Variants in NELL1 observed in about 807,000 individuals in gnomAD.
The protein encoded by NELL1 is protein kinase C-binding protein NELL1.
Under a neutral mutation model 107.4 loss-of-function variants are expected in NELL1, and 76 were observed. That is an observed-to-expected ratio of 0.71 (90% confidence interval 0.59 to 0.86). NELL1 has a LOEUF of 0.86. Among genes scored for constraint, NELL1 ranks in the 40% least tolerant of loss-of-function variants. The pLI, the probability that NELL1 is intolerant of heterozygous loss-of-function variation, is 0.00. For missense variants in NELL1, 1,024 were observed against 1,005.5 expected, an observed-to-expected ratio of 1.02 and a Z score of -0.25; for synonymous variants, 353 against 341.2, an observed-to-expected ratio of 1.03 and a Z score of -0.38.
intron 4 of NELL1, among the ~76,000 whole-genome samples, chr11:20,864,353 G>A (rs6483733): frequency 0.65 from 98,372 of 151,982 alleles, 33,353 homozygotes; most frequent in Non-Finnish European, 0.76. Context: ...TTCGAAGACT[G>A]CAAGATACTT....
At chr11:21,111,737 A>G (rs1855112618) in intron 12 of NELL1, among the ~76,000 whole-genome samples, 1 of 152,078 alleles carries the variant, frequency 6.6e-6, no homozygotes, top group Admixed American at 6.6e-5. Context: ...CATGAGATTA[A>G]TTTAAACCAT....
chr11:21,483,341 C>A (rs1425921156), intron 15 of NELL1, among the ~76,000 whole-genome samples: 1 of 152,134 alleles, frequency 6.6e-6, no homozygotes, highest in Non-Finnish European at 1.5e-5. Context: ...TGTACACATA[C>A]AATATACTCC....
intron 14 of NELL1, among the ~76,000 whole-genome samples, chr11:21,320,652 T>G (rs1849988533): frequency 6.6e-6 from 1 of 152,128 alleles, no homozygotes; most frequent in Admixed American, 6.6e-5. Context: ...TTAATTGCTC[T>G]CTTAGAATCT....
At chr11:20,915,700 GATATATAT>G (rs369114547) in intron 5 of NELL1, among the ~76,000 whole-genome samples, 1 of 29,440 alleles carries the variant, frequency 3.4e-5, no homozygotes, top group Non-Finnish European at 7.5e-5. Context: ...CCTCATAGAT[GATATATAT>G]ATATATATAT....
At chr11:21,202,065 CAG>C (rs1467799280) in intron 13 of NELL1, among the ~76,000 whole-genome samples, 1 of 152,160 alleles carries the variant, frequency 6.6e-6, no homozygotes, top group Admixed American at 6.5e-5. Flanking sequence ...TGATGTTCGT[CAG>C]AGATATTGGC....
intron 15 of NELL1, among the ~76,000 whole-genome samples, chr11:21,425,343 T>A (rs1819060587): frequency 1.3e-5 from 2 of 152,212 alleles, no homozygotes. Flanking sequence ...TGAAAATGGT[T>A]GGAGGCTAAT....
chr11:20,786,625 C>T (rs886951173), intron 3 of NELL1, among the ~76,000 whole-genome samples: 1 of 151,968 alleles, frequency 6.6e-6, no homozygotes, highest in Non-Finnish European at 1.5e-5. Context: ...GGATTTTCTT[C>T]TTGTGTCCTC....
chr11:21,145,270 T>A (rs956037986), intron 13 of NELL1, among the ~76,000 whole-genome samples: 1 of 152,208 alleles, frequency 6.6e-6, no homozygotes, highest in Non-Finnish European at 1.5e-5. Context: ...AGACTTAGGT[T>A]AAATAATTTA....
At chr11:21,510,655 T>G (rs893542874) in intron 15 of NELL1, among the ~76,000 whole-genome samples, 3 of 152,186 alleles carry the variant, frequency 2.0e-5, no homozygotes, top group African/African-American at 7.2e-5. Flanking sequence ...GGTATACCTG[T>G]GACTGAGGTC....
chr11:20,859,392 A>G (rs1237596123), intron 4 of NELL1, among the ~76,000 whole-genome samples: 1 of 152,204 alleles, frequency 6.6e-6, no homozygotes, highest in Non-Finnish European at 1.5e-5. Context: ...TCATGACTTC[A>G]ACACTACAGA....
chr11:20,893,962 A>G (rs1385060760), intron 5 of NELL1, among the ~76,000 whole-genome samples: 2 of 152,098 alleles, frequency 1.3e-5, no homozygotes, highest in African/African-American at 4.8e-5. Flanking sequence ...ATAATAAGCT[A>G]TTTTAAAGAT....
At chr11:21,490,272 A>G (rs1854766245) in intron 15 of NELL1, among the ~76,000 whole-genome samples, 1 of 151,984 alleles carries the variant, frequency 6.6e-6, no homozygotes. Flanking sequence ...CGAAACACTG[A>G]TGAAAGAAAT....
intron 13 of NELL1, among the ~76,000 whole-genome samples, chr11:21,143,067 T>C (rs1272636864): frequency 6.6e-6 from 1 of 152,192 alleles, no homozygotes; most frequent in African/African-American, 2.4e-5. Context: ...GAAGTGCATC[T>C]GGGTAAGGAT....
intron 16 of NELL1, among the ~76,000 whole-genome samples, chr11:21,540,065 T>A (rs962384182): frequency 2.6e-5 from 4 of 152,024 alleles, no homozygotes; most frequent in African/African-American, 9.7e-5. Flanking sequence ...ATTCATAATA[T>A]TTTTGCATAT....
chr11:21,062,884 T>C (rs1352341492), intron 12 of NELL1, among the ~76,000 whole-genome samples: 4 of 152,094 alleles, frequency 2.6e-5, no homozygotes, highest in Non-Finnish European at 4.4e-5. Context: ...CTGGGGTGCA[T>C]TGGCACAATC....
At chr11:20,711,248 C>A (rs1855106827) in intron 2 of NELL1, among the ~76,000 whole-genome samples, 1 of 152,006 alleles carries the variant, frequency 6.6e-6, no homozygotes, top group Non-Finnish European at 1.5e-5. Flanking sequence ...TTTTTCCACC[C>A]CTTTACCTTT....
intron 14 of NELL1, among the ~76,000 whole-genome samples, chr11:21,292,439 A>G (rs1849290396): frequency 6.6e-6 from 1 of 152,232 alleles, no homozygotes; most frequent in South Asian, 2.1e-4. Context: ...GGACACAAAC[A>G]AATGCAAAAA....
chr11:21,345,476 G>GAAAT (rs1850663901), intron 14 of NELL1, among the ~76,000 whole-genome samples: 1 of 152,036 alleles, frequency 6.6e-6, no homozygotes, highest in Non-Finnish European at 1.5e-5. Flanking sequence ...GACAGAGCAG[G>GAAAT]GGCCATTCTC....
chr11:21,005,102 G>C (rs1426831933), intron 12 of NELL1, among the ~76,000 whole-genome samples: 1 of 152,088 alleles, frequency 6.6e-6, no homozygotes, highest in East Asian at 1.9e-4. Flanking sequence ...CTCATATTCA[G>C]AATAATAACT....
Sources: gnomAD v4.1 joint callset for allele counts (sites outside exome capture counted in the v4.1 genomes callset) on GRCh38, gnomAD v4.1.1 for gene constraint, MANE v1.5 for transcripts, NCBI Gene and HGNC (gene_info 2026-07-23, HGNC 2026-07-21) for gene names.